The following RASEF variants were observed in gnomAD, a reference collection of about 807,000 sequenced individuals.
RASEF encodes the protein RAS and EF-hand domain containing.
In RASEF, 68 loss-of-function variants were observed where a neutral mutation model predicts 90.1. The observed-to-expected ratio is 0.75, with a 90% CI of 0.62 to 0.92. The LOEUF is 0.92. Ranked by LOEUF, RASEF falls within the 40% of genes least tolerant of loss-of-function variation. The pLI is 0.00. For synonymous variants in RASEF, 331 were observed against 345.2 expected (o/e 0.96, Z 0.46); for missense variants, 949 against 937.2 (o/e 1.01, Z -0.16).
the RASEF span, among the ~76,000 whole-genome samples, chr9:83,139,172 T>C: frequency 6.6e-6 from 1 of 152,200 alleles, no homozygotes; most frequent in Admixed American, 6.5e-5. Context: ...AAGCAGGATA[T>C]GCCTCTTAAC....
At chr9:83,196,642 C>T in the RASEF span, among the ~76,000 whole-genome samples, 4 of 152,184 alleles carry the variant, frequency 2.6e-5, no homozygotes, top group African/African-American at 7.2e-5. Context: ...CTGATGCTGA[C>T]TTGAACCCAT....
chr9:83,169,968 G>A, the RASEF span, among the ~76,000 whole-genome samples: 1 of 151,854 alleles, frequency 6.6e-6, no homozygotes, highest in African/African-American at 2.4e-5. Flanking sequence ...TTTGTTGCCT[G>A]TGCTTCTAAG....
At chr9:83,071,891 T>C in the RASEF span, among the ~76,000 whole-genome samples, 1 of 152,202 alleles carries the variant, frequency 6.6e-6, no homozygotes, top group African/African-American at 2.4e-5. Flanking sequence ...AGACTTCTTA[T>C]ACAATCTAGC....
the RASEF span, among the ~76,000 whole-genome samples, chr9:83,150,010 G>C: frequency 9.2e-5 from 14 of 152,164 alleles, no homozygotes; most frequent in Non-Finnish European, 2.1e-4. Flanking sequence ...CAAGTCCCCA[G>C]GTTACCCACA....
At chr9:83,156,890 T>C in the RASEF span, among the ~76,000 whole-genome samples, 70 of 152,372 alleles carry the variant, frequency 4.6e-4, no homozygotes, top group South Asian at 3.1e-3. Context: ...AGATGCATGG[T>C]GATAAACAGT....
chr9:83,160,514 TG>T, the RASEF span, among the ~76,000 whole-genome samples: 1 of 152,124 alleles, frequency 6.6e-6, no homozygotes. Context: ...AGAGGTGGCT[TG>T]GGCACCGATA....
chr9:83,048,941 C>T (rs1316521465), intron 1 of RASEF: 1 of 177,868 alleles, frequency 5.6e-6, no homozygotes. Context: ...CCAGCATGGC[C>T]AACACAGTAC....
chr9:83,139,707 T>G, the RASEF span, among the ~76,000 whole-genome samples: 3 of 152,112 alleles, frequency 2.0e-5, no homozygotes, highest in Non-Finnish European at 1.5e-5. Context: ...AGTTCAAATC[T>G]GTGTTGTCCA....
At chr9:83,055,953 G>C (rs536398600) in intron 1 of RASEF, among the ~76,000 whole-genome samples, 1 of 152,254 alleles carries the variant, frequency 6.6e-6, no homozygotes, top group South Asian at 2.1e-4. Context: ...TCAGGTGTTA[G>C]AAACTCCTGA....
chr9:83,208,349 C>A, the RASEF span, among the ~76,000 whole-genome samples: 1 of 152,182 alleles, frequency 6.6e-6, no homozygotes, highest in African/African-American at 2.4e-5. Context: ...CTCTGCATTT[C>A]CTGCCTAGAA....
chr9:83,134,410 G>GCGCACACA, the RASEF span, among the ~76,000 whole-genome samples: 1 of 139,134 alleles, frequency 7.2e-6, no homozygotes, highest in South Asian at 2.2e-4. Flanking sequence ...TCACAATAGC[G>GCGCACACA]CACACACACA....
At chr9:83,097,802 G>T in the RASEF span, among the ~76,000 whole-genome samples, 1 of 152,148 alleles carries the variant, frequency 6.6e-6, no homozygotes, top group Non-Finnish European at 1.5e-5. Context: ...GGCATGATAT[G>T]AATTTGTTCA....
the RASEF span, among the ~76,000 whole-genome samples, chr9:83,185,368 A>AT: frequency 5.6e-4 from 60 of 106,478 alleles, no homozygotes; most frequent in Non-Finnish European, 1.3e-3. Flanking sequence ...TTTTTTTTTA[A>AT]TTTTTTTGTG....
At chr9:83,085,098 A>G in the RASEF span, among the ~76,000 whole-genome samples, 1 of 152,162 alleles carries the variant, frequency 6.6e-6, no homozygotes, top group African/African-American at 2.4e-5. Context: ...GTACAAGAAC[A>G]TCATTCAATG....
the RASEF span, among the ~76,000 whole-genome samples, chr9:83,095,062 T>C: frequency 6.6e-6 from 1 of 152,196 alleles, no homozygotes; most frequent in South Asian, 2.1e-4. Flanking sequence ...ATTAGGACCC[T>C]TATGGTTTGA....
At chr9:82,993,049 G>C in intron 14 of RASEF, 24 bp from the exon 15 acceptor site, 1 of 1,609,292 alleles carries the variant, frequency 6.2e-7, no homozygotes, top group Non-Finnish European at 8.5e-7. Flanking sequence ...AAAAAAAATG[G>C]GGCACACATC....
intron 1 of RASEF, among the ~76,000 whole-genome samples, chr9:83,042,823 T>TTTTA (rs1170248246): frequency 2.4e-4 from 37 of 152,186 alleles, no homozygotes; most frequent in Non-Finnish European, 5.1e-4. Context: ...AACACAATTC[T>TTTTA]AATGTATCTG....
At chr9:83,031,126 T>C (rs562427316) in intron 1 of RASEF, among the ~76,000 whole-genome samples, 76 of 152,340 alleles carry the variant, frequency 5.0e-4, no homozygotes, top group African/African-American at 1.8e-3. Flanking sequence ...CCAGTAAGAC[T>C]TGTTCTTTGT....
At chr9:83,216,583 G>A in the RASEF span, among the ~76,000 whole-genome samples, 54,208 of 152,068 alleles carry the variant, frequency 0.36, 11,264 homozygotes, top group Middle Eastern at 0.52. Flanking sequence ...GAACGTCCAC[G>A]CAGAAGTTTG....
Sources: allele counts gnomAD v4.1 joint callset (sites outside exome capture counted in the v4.1 genomes callset), GRCh38; gene constraint gnomAD v4.1.1; transcripts MANE v1.5; gene names NCBI Gene and HGNC (gene_info 2026-07-23, HGNC 2026-07-21).